PDE3A: variants seen among roughly 807,000 people sequenced by gnomAD.
The protein encoded by PDE3A is cGMP-inhibited 3',5'-cyclic phosphodiesterase 3A.
A neutral mutation model predicts 98.3 loss-of-function variants in PDE3A; 43 were observed. The ratio of observed to expected loss-of-function variants is 0.44; its 90% CI spans 0.34 to 0.56. The LOEUF (loss-of-function observed/expected upper bound fraction) is 0.56. PDE3A is among the 20% of genes least tolerant of loss of function. The pLI, the probability that PDE3A is intolerant of heterozygous loss-of-function variation, is 0.01. For synonymous variants in PDE3A, 663 were observed against 567.9 expected (o/e 1.17, Z -2.38); for missense variants, 1,427 against 1,440.7 (o/e 0.99, Z 0.15).
intron 1 of PDE3A, among the ~76,000 whole-genome samples, chr12:20,427,889 A>G (rs1944627461): frequency 6.6e-6 from 1 of 151,942 alleles, no homozygotes; most frequent in Non-Finnish European, 1.5e-5. Context: ...TCCTCTTTTT[A>G]AAATATAAAT....
At chr12:20,630,898 T>G (rs1944363412) in intron 6 of PDE3A, among the ~76,000 whole-genome samples, 1 of 152,184 alleles carries the variant, frequency 6.6e-6, no homozygotes. Flanking sequence ...AGTATTTCAT[T>G]TCTGAGGTTG....
intron 1 of PDE3A, among the ~76,000 whole-genome samples, chr12:20,482,349 C>T (rs1945646112): frequency 1.3e-5 from 2 of 151,782 alleles, no homozygotes; most frequent in Non-Finnish European, 2.9e-5. Context: ...GAGAAATTCC[C>T]TCATTTCTAT....
At chr12:20,574,203 G>A (rs969584010) in intron 2 of PDE3A, among the ~76,000 whole-genome samples, 1 of 152,058 alleles carries the variant, frequency 6.6e-6, no homozygotes, top group Non-Finnish European at 1.5e-5. Context: ...GAGGTCCATG[G>A]GGGTAAAATT....
chr12:20,497,801 T>C (rs1945946995), intron 1 of PDE3A, among the ~76,000 whole-genome samples: 1 of 152,108 alleles, frequency 6.6e-6, no homozygotes, highest in African/African-American at 2.4e-5. Flanking sequence ...CAAAGAAGAA[T>C]ACTGTGCAGG....
chr12:20,369,788 CG>C lies in PDE3A; in HGVS notation c.511del (p.Glu171LysfsTer36). ...LAVALLAACC[G>X]GEALVQIGLG... ...CTGTCGCGCTGCTGGCCGCCTGCTG[CG>C]GGGGGGAAGCGCTCGTCCAGATTGG... On this transcript the variant is annotated frameshift_variant, in exon 1 of 16. Coordinates refer to ENST00000359062, the MANE Select transcript of PDE3A (RefSeq NM_000921.5). LOFTEE classifies it high-confidence loss of function. The C allele has an allele frequency of 3.1e-6, 5 of 1,612,320 alleles. No homozygotes were observed. The highest frequency in any genetic ancestry group is 2.2e-5 in the East Asian group (1 of 44,798).
chr12:20,385,851 A>G (rs1191056928), intron 1 of PDE3A, among the ~76,000 whole-genome samples: 3 of 148,330 alleles, frequency 2.0e-5, no homozygotes, highest in Non-Finnish European at 4.4e-5. Context: ...TGACGAGTTA[A>G]TGGGTGCAGC....
Position 20,680,057 on chromosome 12 carries a change from T to G in PDE3A, c.3212T>G (p.Ile1071Ser). 1 of 1,603,262 alleles carries G rather than the reference T, an allele frequency of 6.2e-7. No individual in the cohort carries two copies. Among genetic ancestry groups the G allele is most frequent in the Non-Finnish European group, 8.5e-7 (1 of 1,171,424 alleles). ...AAGAAGACTTTCAAAAGGAGAAAAA[T>G]CTACTGCCAAATAACTCAGCACCTC... ...PKKKTFKRRK[I>S]YCQITQHLLQ... The change falls in exon 16 of 16, where the codon ATC becomes AGC. Residue 1071 changes from isoleucine (I) to serine (S), a missense_variant. By Grantham distance (142) the Ile-to-Ser change is moderately radical. Around this residue, in one of 3 missense-constraint regions of PDE3A, gnomAD observed 142 missense variants for 133.9 expected, o/e 1.06. Coordinates refer to ENST00000359062, the MANE Select transcript of PDE3A (RefSeq NM_000921.5).
chr12:20,481,819 CA>C (rs1945632409), intron 1 of PDE3A, among the ~76,000 whole-genome samples: 1 of 117,252 alleles, frequency 8.5e-6, no homozygotes, highest in Admixed American at 1.3e-4. Context: ...GGCTGGAATG[CA>C]GGGGTGCGAT....
At chr12:20,491,061 A>G (rs1042588003) in intron 1 of PDE3A, among the ~76,000 whole-genome samples, 1 of 152,208 alleles carries the variant, frequency 6.6e-6, no homozygotes, top group East Asian at 1.9e-4. Flanking sequence ...AGCCTGGGAA[A>G]CAGAGTGAGC....
At chr12:20,590,462 G>A (rs942570978) in intron 2 of PDE3A, among the ~76,000 whole-genome samples, 1 of 150,242 alleles carries the variant, frequency 6.7e-6, no homozygotes, top group African/African-American at 2.5e-5. Context: ...ATAGTCTGGA[G>A]GAGAAAGGAC....
intron 1 of PDE3A, among the ~76,000 whole-genome samples, chr12:20,471,317 AC>A (rs1945436419): frequency 6.6e-6 from 1 of 152,150 alleles, no homozygotes; most frequent in African/African-American, 2.4e-5. Flanking sequence ...GGAGCTTTTA[AC>A]TATGATTGAT....
At chr12:20,475,162 G>A (rs1945506719) in intron 1 of PDE3A, among the ~76,000 whole-genome samples, 1 of 143,418 alleles carries the variant, frequency 7.0e-6, no homozygotes, top group African/African-American at 2.6e-5. Flanking sequence ...ATGTAGGAGA[G>A]GAAAAAATGT....
intron 1 of PDE3A, among the ~76,000 whole-genome samples, chr12:20,551,322 T>C (rs1592047868): frequency 6.6e-6 from 1 of 152,212 alleles, no homozygotes; most frequent in Middle Eastern, 3.4e-3. Context: ...ACTACAGATA[T>C]TTTACCAATG....
intron 10 of PDE3A, among the ~76,000 whole-genome samples, chr12:20,642,852 G>T (rs1444677075): frequency 1.3e-5 from 2 of 151,810 alleles, no homozygotes; most frequent in Non-Finnish European, 2.9e-5. Context: ...AATATTTAAA[G>T]TGTTACCTCT....
chr12:20,449,793 G>T (rs920079007), intron 1 of PDE3A: 10 of 518,236 alleles, frequency 1.9e-5, no homozygotes, highest in African/African-American at 7.8e-5. Flanking sequence ...TGGATTACTT[G>T]GTCAGTTTTG....
At chr12:20,456,377 G>T (rs945639434) in intron 1 of PDE3A, among the ~76,000 whole-genome samples, 1 of 151,986 alleles carries the variant, frequency 6.6e-6, no homozygotes, top group Non-Finnish European at 1.5e-5. Context: ...AACAAATCTG[G>T]GGAGAATTTA....
At chr12:20,634,134 G>A (rs1275829172) in intron 7 of PDE3A, among the ~76,000 whole-genome samples, 2 of 152,066 alleles carry the variant, frequency 1.3e-5, no homozygotes, top group African/African-American at 4.8e-5. Context: ...TTATACATGT[G>A]TATATTTTTA....
intron 2 of PDE3A, among the ~76,000 whole-genome samples, chr12:20,565,018 G>T (rs1384848660): frequency 6.6e-6 from 1 of 152,052 alleles, no homozygotes; most frequent in Non-Finnish European, 1.5e-5. Flanking sequence ...GTGTACAAAA[G>T]CATATTTTGA....
At chr12:20,465,353 A>G (rs1945323387) in intron 1 of PDE3A, among the ~76,000 whole-genome samples, 2 of 152,246 alleles carry the variant, frequency 1.3e-5, no homozygotes, top group Admixed American at 6.5e-5. Context: ...CTAAGTACTT[A>G]CGTGTGTTAG....
Sources: allele counts gnomAD v4.1 joint callset (sites outside exome capture counted in the v4.1 genomes callset), GRCh38; gene constraint gnomAD v4.1.1; regional missense constraint gnomAD v4.1.1; transcripts MANE v1.5; gene names NCBI Gene and HGNC (gene_info 2026-07-23, HGNC 2026-07-21).